The following UTRN variants were observed in gnomAD, a reference collection of about 807,000 sequenced individuals.
UTRN encodes utrophin.
UTRN carries 283 observed loss-of-function variants against 463.9 expected under a neutral mutation model. The observed-to-expected ratio is 0.61, with a 90% CI of 0.55 to 0.67. UTRN has a LOEUF of 0.67. Among genes scored for constraint, UTRN ranks in the 30% least tolerant of loss-of-function variants. The pLI, the probability that UTRN is intolerant of heterozygous loss-of-function variation, is 0.00. For synonymous variants in UTRN, 1,442 were observed against 1,431.5 expected, an observed-to-expected ratio of 1.01 and a Z score of -0.17; for missense variants, 3,922 against 4,084.3, an observed-to-expected ratio of 0.96 and a Z score of 1.08.
Position 144,458,769 on chromosome 6 carries a change from G to A in UTRN, c.2285-1G>A. The A allele has an allele frequency of 6.3e-7, 1 of 1,585,770 alleles. No homozygotes were observed. Among genetic ancestry groups the A allele is most frequent in the East Asian group, 2.2e-5 (1 of 44,776 alleles). ...TTTGCTTGTTTTTCATGTCTGCATA[G>A]AAGGCCTTCCTACTGAAGAAATAAA... On this transcript the variant is annotated splice_acceptor_variant, in intron 19 of 74. Transcript: ENST00000367545. LOFTEE classifies it high-confidence loss of function.
intron 43 of UTRN, 60 bp from the exon 44 acceptor site, chr6:144,537,522 T>C (rs1797642873): frequency 1.5e-6 from 2 of 1,299,958 alleles, no homozygotes; most frequent in Middle Eastern, 2.1e-4. Flanking sequence ...AGCAAATATG[T>C]AAGGTTCTGC....
intron 51 of UTRN, chr6:144,583,431 G>A (rs1562605739): frequency 3.1e-6 from 2 of 652,968 alleles, no homozygotes; most frequent in African/African-American, 1.8e-5. Flanking sequence ...TGACCGGGAG[G>A]AAATGATCGT....
chr6:144,824,450 T>TGTATATATATTGTATATATATACAC (rs767872623), intron 66 of UTRN, among the ~76,000 whole-genome samples: 22,017 of 79,416 alleles, frequency 0.28, 2,536 homozygotes, highest in East Asian at 0.65. Flanking sequence ...TATATACACA[T>TGTATATATATTGTATATATATACAC]ATACAATAAA....
intron 52 of UTRN, among the ~76,000 whole-genome samples, chr6:144,699,389 G>A (rs550404341): frequency 1.3e-5 from 2 of 148,824 alleles, no homozygotes; most frequent in South Asian, 4.3e-4. Flanking sequence ...GCAGTGAGCC[G>A]AGATTGCGCC....
At chr6:144,570,750 G>A (rs1444634056) in intron 50 of UTRN, among the ~76,000 whole-genome samples, 1 of 152,132 alleles carries the variant, frequency 6.6e-6, no homozygotes, top group Admixed American at 6.6e-5. Flanking sequence ...TACTGTCTGA[G>A]GCCAAGTGCT....
At chr6:144,583,753 A>G (rs1292122589) in intron 51 of UTRN, among the ~76,000 whole-genome samples, 2 of 152,198 alleles carry the variant, frequency 1.3e-5, no homozygotes, top group East Asian at 1.9e-4. Context: ...GCATAATTAC[A>G]TTTTGTTTAA....
intron 71 of UTRN, 62 bp downstream of exon 71, chr6:144,836,603 T>C: frequency 6.3e-7 from 1 of 1,594,242 alleles, no homozygotes; most frequent in Non-Finnish European, 8.6e-7. Flanking sequence ...CCCTGGGAGA[T>C]GATGGTCCAG....
In UTRN at chr6:144,747,668, C is replaced by A. The variant is rs529889456; in HGVS notation, c.7940-578C>A. Among the ~76,000 whole-genome samples the A allele has an allele frequency of 6.6e-5, 10 of 152,286 alleles. No individual in the cohort carries two copies. In the East Asian group the frequency reaches 1.9e-3, roughly 29 times the overall value. On this transcript the variant is annotated intron_variant, in intron 54 of 74. Transcript: ENST00000367545. ...TGGTCCTTGAAATCTTGCTATCTTC[C>A]TGCTAAAATGTCTGTGGGCTGCAGA... is the stretch of plus-strand genomic sequence containing the variant.
At chr6:144,560,649 G>T (rs1187563684) in intron 50 of UTRN, among the ~76,000 whole-genome samples, 1 of 152,126 alleles carries the variant, frequency 6.6e-6, no homozygotes, top group Non-Finnish European at 1.5e-5. Flanking sequence ...TGTTTTGTAT[G>T]AATTGCAGTT....
At chr6:144,628,078 C>T (rs911124742) in intron 51 of UTRN, among the ~76,000 whole-genome samples, 4 of 152,118 alleles carry the variant, frequency 2.6e-5, no homozygotes, top group African/African-American at 4.8e-5. Flanking sequence ...GGATTACAGG[C>T]GTGAGTCACC....
At chr6:144,691,899 T>G (rs2128692884) in intron 52 of UTRN, among the ~76,000 whole-genome samples, 1 of 152,330 alleles carries the variant, frequency 6.6e-6, no homozygotes, top group South Asian at 2.1e-4. Context: ...TTTATTTAAC[T>G]TTTACTTTCA....
chr6:144,537,024 A>G, intron 43 of UTRN, among the ~76,000 whole-genome samples: 1 of 152,086 alleles, frequency 6.6e-6, no homozygotes, highest in Non-Finnish European at 1.5e-5. Context: ...TTTAATAAAC[A>G]AGCCAAATTC....
At chr6:144,764,837 A>G (rs1793099310) in intron 58 of UTRN, among the ~76,000 whole-genome samples, 1 of 152,230 alleles carries the variant, frequency 6.6e-6, no homozygotes. Flanking sequence ...TTTTTAATAA[A>G]AAGCTAAAAG....
chr6:144,700,199 G>A lies in UTRN; in HGVS notation c.7765G>A (p.Gly2589Arg). ...AGAGCTTAAGAAACAAATGCCTATT[G>A]GAGGAGATGTTCCAGCCTTACAGCT... ...DEELKKQMPI[G>R]GDVPALQLQY... Residue 2589 changes from glycine (G) to arginine (R), a missense_variant, in exon 53 of 75, where the codon GGA becomes AGA. Transcript: ENST00000367545. 1 of 1,613,572 alleles carries A rather than the reference G, an allele frequency of 6.2e-7. No individual in the cohort carries two copies. Among genetic ancestry groups the A allele is most frequent in the Non-Finnish European group, 8.5e-7 (1 of 1,179,636 alleles).
intron 29 of UTRN, among the ~76,000 whole-genome samples, chr6:144,488,349 T>C (rs1792687135): frequency 1.3e-5 from 2 of 152,200 alleles, no homozygotes; most frequent in Non-Finnish European, 2.9e-5. Flanking sequence ...TTGGCAGACA[T>C]TGCTGATTCC....
At chr6:144,749,297 T>A (rs917925051) in intron 55 of UTRN, among the ~76,000 whole-genome samples, 1 of 152,150 alleles carries the variant, frequency 6.6e-6, no homozygotes, top group Non-Finnish European at 1.5e-5. Context: ...TTGCTAAATA[T>A]TATTAAATAT....
At chr6:144,524,686 T>C (rs1194162872) in intron 41 of UTRN, among the ~76,000 whole-genome samples, 1 of 152,140 alleles carries the variant, frequency 6.6e-6, no homozygotes, top group East Asian at 1.9e-4. Context: ...TTTATTTCTT[T>C]CTCTTGTCTG....
At chr6:144,696,203 ATT>A (rs11341409) in intron 52 of UTRN, among the ~76,000 whole-genome samples, 15 of 148,610 alleles carry the variant, frequency 1.0e-4, no homozygotes, top group African/African-American at 3.4e-4. Context: ...AAACTACTAA[ATT>A]TTTTTTTTTT....
chr6:144,670,850 A>G (rs1780937840), intron 51 of UTRN, among the ~76,000 whole-genome samples: 1 of 152,146 alleles, frequency 6.6e-6, no homozygotes, highest in Admixed American at 6.6e-5. Flanking sequence ...ATTCTTCTAC[A>G]TGTGGCTTAC....
Sources: gnomAD v4.1 joint callset for allele counts (sites outside exome capture counted in the v4.1 genomes callset) on GRCh38, gnomAD v4.1.1 for gene constraint, MANE v1.5 for transcripts, NCBI Gene and HGNC (gene_info 2026-07-23, HGNC 2026-07-21) for gene names.